POFUT1: variants seen among roughly 807,000 people sequenced by gnomAD.
POFUT1 encodes GDP-fucose protein O-fucosyltransferase 1.
In POFUT1, 16 loss-of-function variants were observed where a neutral mutation model predicts 42.4. That is an observed-to-expected ratio of 0.38 (90% CI 0.26 to 0.57). POFUT1 has a LOEUF of 0.57. POFUT1 is among the 20% of genes least tolerant of loss of function. The probability of loss-of-function intolerance (pLI) is 0.71; values close to 1 mark genes in which losing one functional copy is unlikely to be tolerated. For synonymous variants in POFUT1, 206 were observed against 205.4 expected (o/e 1.00, Z -0.03); for missense variants, 470 against 504.6 (o/e 0.93, Z 0.66).
intron 2 of POFUT1, among the ~76,000 whole-genome samples, chr20:32,211,860 C>T (rs758459743): frequency 3.3e-5 from 5 of 152,216 alleles, no homozygotes; most frequent in Non-Finnish European, 5.9e-5. Flanking sequence ...TGTTCCAAGA[C>T]ACCACCTGTC....
intron 4 of POFUT1, 88 bp from the exon 5 acceptor site, chr20:32,228,175 A>G (rs1294090384): frequency 1.9e-6 from 2 of 1,062,724 alleles, no homozygotes; most frequent in East Asian, 2.5e-5. Flanking sequence ...TCTCTGGGGC[A>G]TGGTGCAACA....
chr20:32,225,824 C>T (rs1451975462), intron 4 of POFUT1, among the ~76,000 whole-genome samples: 1 of 152,068 alleles, frequency 6.6e-6, no homozygotes, highest in Non-Finnish European at 1.5e-5. Context: ...AACAAAAAAA[C>T]AGCTTTATGA....
chr20:32,216,547 G>T (rs1480301461), intron 3 of POFUT1, 62 bp from the exon 4 acceptor site: 2 of 989,714 alleles, frequency 2.0e-6, no homozygotes, highest in Non-Finnish European at 1.6e-6. Context: ...CACTTCCCTG[G>T]CCCCATCCCC....
intron 2 of POFUT1, among the ~76,000 whole-genome samples, chr20:32,213,646 C>G (rs918484602): frequency 1.3e-5 from 2 of 151,876 alleles, no homozygotes; most frequent in Admixed American, 1.3e-4. Flanking sequence ...TGGTGCGTGC[C>G]TGCAATCCCA....
In POFUT1 at chr20:32,210,152, C is replaced by T; in HGVS notation, c.206C>T (p.Pro69Leu). The T allele has an allele frequency of 6.2e-7, 1 of 1,614,046 alleles. No homozygotes were observed. The highest frequency in any genetic ancestry group is 8.5e-7 in the Non-Finnish European group (1 of 1,179,896). ...KLLNRTLAVP[P>L]WIEYQHHKPP... is the part of the protein sequence containing the mutation. ...CTAAACCGTACCTTGGCTGTCCCTC[C>T]TTGGATTGAGTACCAGCATCACAAG... The change falls in exon 2 of 7, where the codon CCT becomes CTT. Residue 69 changes from proline (P) to leucine (L), a missense_variant. Coordinates refer to ENST00000375749, the MANE Select transcript of POFUT1 (RefSeq NM_015352.2).
At position 32,215,439 on chromosome 20, in the gene POFUT1, G is replaced by A. The variant is rs201398739; in HGVS notation, c.417G>A (p.Thr139=). 35 of 1,609,954 alleles carry A rather than the reference G, an allele frequency of 2.2e-5. No homozygotes were observed. The highest frequency in any genetic ancestry group is 2.6e-5 in the Non-Finnish European group (31 of 1,177,066). ...CCCAGCGAAGCCCAGATAAGAAGAC[G>A]TGCCCCATGAAGGTGGGTCCTGTGG... The part of the protein sequence containing the change: ...VAAQRSPDKK[T]CPMKEGNPFG... The change falls in exon 3 of 7, where the codon ACG becomes ACA. Residue 139 remains threonine (T), a synonymous_variant. Coordinates refer to ENST00000375749, the MANE Select transcript of POFUT1 (RefSeq NM_015352.2).
chr20:32,211,917 A>G (rs1419901652), intron 2 of POFUT1, among the ~76,000 whole-genome samples: 1 of 152,120 alleles, frequency 6.6e-6, no homozygotes, highest in Non-Finnish European at 1.5e-5. Flanking sequence ...CCACTGTATC[A>G]GGGGCTCCTT....
chr20:32,213,268 C>T (rs1229657230), intron 2 of POFUT1, among the ~76,000 whole-genome samples: 1 of 152,020 alleles, frequency 6.6e-6, no homozygotes. Context: ...TCAAGACCAG[C>T]CTGGCCAACA....
Position 32,230,964 on chromosome 20 carries a change from T to C in POFUT1, c.881T>C (p.Val294Ala). ...GACCTGAAGGAGATCCAGAGGGCTG[T>C]GAAGCTCTGGGTGAGGTCGCTGGAT... ...LPDLKEIQRA[V>A]KLWVRSLDAQ... Residue 294 changes from valine to alanine, a missense_variant, in exon 6 of 7, where the codon GTG becomes GCG. Transcript: ENST00000375749. The C allele has an allele frequency of 1.2e-6, 2 of 1,614,206 alleles. No homozygotes were observed. Among genetic ancestry groups the C allele is most frequent in the Non-Finnish European group, 8.5e-7 (1 of 1,180,022 alleles).
intron 4 of POFUT1, among the ~76,000 whole-genome samples, chr20:32,225,344 C>T (rs1290766079): frequency 6.6e-6 from 1 of 151,808 alleles, no homozygotes; most frequent in African/African-American, 2.4e-5. Flanking sequence ...CCCACCACGA[C>T]GTGTGGCTAA....
intron 1 of POFUT1, among the ~76,000 whole-genome samples, chr20:32,208,931 T>G (rs550426096): frequency 6.6e-6 from 1 of 152,238 alleles, no homozygotes; most frequent in African/African-American, 2.4e-5. Flanking sequence ...GAGAGCAGGG[T>G]AGGGGAGAAT....
chr20:32,208,490 G>C (rs760742306), intron 1 of POFUT1, among the ~76,000 whole-genome samples: 1 of 152,052 alleles, frequency 6.6e-6, no homozygotes, highest in Non-Finnish European at 1.5e-5. Flanking sequence ...TGTCCTTGTA[G>C]AGCCTTCATT....
chr20:32,228,207 T>G, intron 4 of POFUT1, 56 bp from the exon 5 acceptor site: 1 of 1,455,396 alleles, frequency 6.9e-7, no homozygotes, highest in South Asian at 1.3e-5. Context: ...CCCGTGGGGG[T>G]GGCAGCCAGG....
At chr20:32,213,190 A>T (rs1003736208) in intron 2 of POFUT1, among the ~76,000 whole-genome samples, 10 of 152,082 alleles carry the variant, frequency 6.6e-5, no homozygotes, top group Admixed American at 2.0e-4. Context: ...CCAGCCAGAA[A>T]TTTTTTAAAA....
At chr20:32,209,252 T>C (rs573235269) in intron 1 of POFUT1, among the ~76,000 whole-genome samples, 1 of 152,364 alleles carries the variant, frequency 6.6e-6, no homozygotes, top group East Asian at 1.9e-4. Flanking sequence ...ATCCTTTAGA[T>C]CTCAGCCTAA....
In POFUT1 at chr20:32,228,555, T is replaced by A. The variant is rs996365948; in HGVS notation, c.735+100T>A. On this transcript the variant is annotated intron_variant, in intron 5 of 6. Coordinates refer to ENST00000375749, the MANE Select transcript of POFUT1 (RefSeq NM_015352.2). ...CCCCGCGTCCCAGCCAGAGCAGAGA[T>A]CTCTCACTTGTTCTGGTTCGTGGGA... 27 of 986,066 alleles carry A rather than the reference T, an allele frequency of 2.7e-5. No homozygotes were observed. The African/African-American group carries it at 3.4e-4, about 12-fold the overall frequency. 61.1% of individuals were successfully genotyped at this position (986,066 alleles called of 1,614,324 possible). A position where few individuals can be genotyped will look rare whatever the true frequency, so the allele number is the denominator to read the frequency against.
rs2122561483 is a variant in POFUT1, at chr20:32,210,118, G to A, written c.172G>A (p.Ala58Thr). The A allele has an allele frequency of 6.2e-7, 1 of 1,614,148 alleles. No individual in the cohort carries two copies. The highest frequency in any genetic ancestry group is 1.1e-5 in the South Asian group (1 of 91,084). The part of the protein sequence containing the change: ...ADHFLGSLAF[A>T]KLLNRTLAVP... ...TCACTTCTTGGGCTCTCTGGCATTT[G>A]CAAAGCTGCTAAACCGTACCTTGGC... Residue 58 changes from alanine to threonine, a missense_variant, in exon 2 of 7, where the codon GCA becomes ACA. Coordinates refer to ENST00000375749, the MANE Select transcript of POFUT1 (RefSeq NM_015352.2).
intron 1 of POFUT1, 74 bp from the exon 2 acceptor site, chr20:32,209,997 A>G (rs2047318273): frequency 1.9e-6 from 3 of 1,576,552 alleles, no homozygotes; most frequent in East Asian, 2.2e-5. Flanking sequence ...TGGCTCCACA[A>G]CCTTTCTGAG....
intron 4 of POFUT1, among the ~76,000 whole-genome samples, chr20:32,223,906 CT>C (rs2047402227): frequency 6.6e-6 from 1 of 152,194 alleles, no homozygotes; most frequent in Non-Finnish European, 1.5e-5. Flanking sequence ...CAATTCCTAG[CT>C]GTGCAACCTT....
Sources: gnomAD v4.1 joint callset for allele counts (sites outside exome capture counted in the v4.1 genomes callset) on GRCh38, gnomAD v4.1.1 for gene constraint, MANE v1.5 for transcripts, NCBI Gene and HGNC (gene_info 2026-07-23, HGNC 2026-07-21) for gene names.